Variants in ASB8 observed in about 807,000 individuals in gnomAD.
The protein encoded by ASB8 is ankyrin repeat and SOCS box containing 8, also known as ankyrin repeat and SOCS box protein 8.
ASB8 carries 15 observed loss-of-function variants against 22.9 expected under a neutral mutation model. The ratio of observed to expected loss-of-function variants is 0.66; its 90% CI spans 0.44 to 1.01. ASB8 has a LOEUF of 1.01. Among genes scored for constraint, ASB8 ranks in the 50% least tolerant of loss-of-function variants. The probability of loss-of-function intolerance (pLI) is 0.00; values close to 1 mark genes in which losing one functional copy is unlikely to be tolerated. For missense variants in ASB8, 294 were observed against 356.9 expected (o/e 0.82, Z 1.42); for synonymous variants, 124 against 140.8 (o/e 0.88, Z 0.84).
At chr12:48,151,688 C>A in intron 2 of ASB8, 1 of 1,261,660 alleles carries the variant, frequency 7.9e-7, no homozygotes. Context: ...GAAAGTGAGT[C>A]TGTCAGACTG....
Position 48,149,437 on chromosome 12 carries a change from A to G in ASB8, c.796T>C (p.Tyr266His). The change falls in exon 4 of 4, where the codon TAT (tyrosine) becomes CAT (histidine). Residue 266 changes from tyrosine (Y) to histidine (H), a missense_variant. Tyr to His is a moderately conservative substitution (Grantham distance 83). Transcript: ENST00000317697. ...YAVRRSLGLQ[Y>H]LPDAVKGLPL... Reference sequence around the variant, plus strand: ...AGGCCCTTCACTGCATCGGGGAGATACTGGAGTCCCAGGCTACGGCGCACG... The same window carrying G: ...AGGCCCTTCACTGCATCGGGGAGATGCTGGAGTCCCAGGCTACGGCGCACG... 1 of 1,614,044 alleles carries G rather than the reference A, an allele frequency of 6.2e-7. No individual in the cohort carries two copies. The highest frequency in any genetic ancestry group is 8.5e-7 in the Non-Finnish European group (1 of 1,179,876).
At chr12:48,152,307 T>C (rs1032220442) in intron 2 of ASB8, among the ~76,000 whole-genome samples, 2 of 152,210 alleles carry the variant, frequency 1.3e-5, no homozygotes, top group Non-Finnish European at 2.9e-5. Context: ...TGCATGACTT[T>C]TCCTTCTTCA....
intron 1 of ASB8, among the ~76,000 whole-genome samples, chr12:48,156,726 G>T (rs549843352): frequency 6.6e-6 from 1 of 152,328 alleles, no homozygotes; most frequent in South Asian, 2.1e-4. Context: ...TGGGCTCTGG[G>T]CTAAGAACTC....
At chr12:48,152,133 C>T (rs1041179123) in intron 2 of ASB8, among the ~76,000 whole-genome samples, 4 of 142,386 alleles carry the variant, frequency 2.8e-5, no homozygotes, top group South Asian at 2.2e-4. Context: ...GCCTGGGCGA[C>T]GAGCGAAACT....
chr12:48,149,355 A>C lies in ASB8; in HGVS notation c.*11T>G. The C allele has an allele frequency of 4.3e-6, 7 of 1,610,358 alleles. No homozygotes were observed. Among genetic ancestry groups the C allele is most frequent in the Non-Finnish European group, 5.9e-6 (7 of 1,177,416 alleles). On this transcript the variant is annotated 3_prime_UTR_variant, in exon 4 of 4. Coordinates refer to ENST00000317697, the MANE Select transcript of ASB8 (RefSeq NM_024095.5). Reference sequence around the variant, plus strand: ...GAGCTGCCTGCACGATGGTGCAAACATCTTCTCCGGCTATTCTAAAAGTAA... The same window carrying C: ...GAGCTGCCTGCACGATGGTGCAAACCTCTTCTCCGGCTATTCTAAAAGTAA...
intron 1 of ASB8, among the ~76,000 whole-genome samples, chr12:48,154,346 T>C (rs941896088): frequency 6.6e-6 from 1 of 150,974 alleles, no homozygotes; most frequent in Non-Finnish European, 1.5e-5. Context: ...CTGGACGTGG[T>C]GGTGGGCGCC....
chr12:48,151,591 G>A (rs1195316378), intron 2 of ASB8: 3 of 1,454,272 alleles, frequency 2.1e-6, no homozygotes, highest in East Asian at 3.0e-5. Flanking sequence ...ACAATCTTAT[G>A]TATCAAAGCA....
chr12:48,154,912 A>G (rs1281096191), intron 1 of ASB8, among the ~76,000 whole-genome samples: 1 of 152,046 alleles, frequency 6.6e-6, no homozygotes, highest in African/African-American at 2.4e-5. Flanking sequence ...CTGTACTCCA[A>G]TCTTGGCAAC....
Position 48,149,196 on chromosome 12 carries a change from T to G in ASB8, c.*170A>C. 1.5e-6 allele frequency: 1 copy of G among 682,464 alleles called. No individual in the cohort carries two copies. Among genetic ancestry groups the G allele is most frequent in the Non-Finnish European group, 2.3e-6 (1 of 425,838 alleles). The allele number at this position is 682,464 out of a possible 1,614,324, so 42.3% of individuals were successfully genotyped here. A position where few individuals can be genotyped will look rare whatever the true frequency, so the allele number is the denominator to read the frequency against. Reference sequence around the variant, plus strand: ...GTGAGGGATTTTTTTTGTTGGGTTGTTTGGTTTGGGAAGGGGAGGTGCTAT... The same window carrying G: ...GTGAGGGATTTTTTTTGTTGGGTTGGTTGGTTTGGGAAGGGGAGGTGCTAT... On this transcript the variant is annotated 3_prime_UTR_variant, in exon 4 of 4. Coordinates refer to ENST00000317697, the MANE Select transcript of ASB8 (RefSeq NM_024095.5).
intron 1 of ASB8, among the ~76,000 whole-genome samples, chr12:48,156,626 AAAAT>A (rs1311895286): frequency 1.3e-5 from 2 of 152,114 alleles, no homozygotes; most frequent in East Asian, 1.9e-4. Context: ...TTCAAAAATT[AAAAT>A]AAATAAATAA....
Position 48,149,482 on chromosome 12 carries a change from TTA to T in ASB8, c.749_750del (p.Leu250GlnfsTer11). On this transcript the variant is annotated frameshift_variant, in exon 4 of 4. Transcript: ENST00000317697. LOFTEE classifies it high-confidence loss of function. ...LTVLCSAPGT[L>X]KTLARYAVRR... The stretch of plus-strand genomic sequence containing the variant: ...CGCACGGCATAGCGAGCGAGTGTTT[TTA>T]GAGTTCCTGGAGCTGAGCACAGAAC... 1 of 1,614,194 alleles carries T rather than the reference TTA, an allele frequency of 6.2e-7. No individual in the cohort carries two copies. The highest frequency in any genetic ancestry group is 8.5e-7 in the Non-Finnish European group (1 of 1,180,030).
intron 1 of ASB8, 26 bp from the exon 2 acceptor site, chr12:48,153,555 T>C (rs1951238714): frequency 1.9e-6 from 3 of 1,583,406 alleles, no homozygotes; most frequent in East Asian, 2.2e-5. Flanking sequence ...TTTCGGCATA[T>C]ACAATATCAC....
chr12:48,149,812 C>A lies in ASB8; in HGVS notation c.421G>T (p.Gly141Trp). Residue 141 changes from glycine to tryptophan, a missense_variant, in exon 4 of 4, where the codon GGG becomes TGG. Coordinates refer to ENST00000317697, the MANE Select transcript of ASB8 (RefSeq NM_024095.5). The part of the protein sequence containing the change: ...AECVRALLES[G>W]ASVNALDYNN... ...TAATCCAGGGCATTGACAGAGGCCC[C>A]GCTCTCTAGGAGAGCCCGCACACAC... 6.2e-7 allele frequency: 1 copy of A among 1,614,008 alleles called. No individual in the cohort carries two copies.
rs371161682 is a variant in ASB8 at position 48,155,742 on chromosome 12, A to AAAT, written c.-34+1716_-34+1717insATT. On this transcript the variant is annotated intron_variant, in intron 1 of 3. Coordinates refer to ENST00000317697, the MANE Select transcript of ASB8 (RefSeq NM_024095.5). ...GAGACTCCATCTCAAAAAAAAAAAAAATATATATATATATATGTATATATA... is the reference window on the plus strand; with the variant it reads ...GAGACTCCATCTCAAAAAAAAAAAAAAATATATATATATATATATGTATATATA... Among the ~76,000 whole-genome samples, 312 of 114,924 alleles carry AAAT rather than the reference A, an allele frequency of 2.7e-3. 1 individual carries two copies. Among genetic ancestry groups the AAAT allele is most frequent in the African/African-American group, 8.1e-3 (240 of 29,534 alleles). 75.4% of individuals were successfully genotyped at this position (114,924 alleles called of 152,430 possible).
At chr12:48,154,461 ACAGAGTGAGACTCTATCT>A (rs1951260599) in intron 1 of ASB8, among the ~76,000 whole-genome samples, 2 of 144,692 alleles carry the variant, frequency 1.4e-5, no homozygotes, top group Non-Finnish European at 3.0e-5. Context: ...AGCCTGGGCA[ACAGAGTGAGACTCTATCT>A]CAAAAAAAAA....
chr12:48,148,224 G>A lies in ASB8; in HGVS notation c.*1142C>T, dbSNP rs1951131824. On this transcript the variant is annotated 3_prime_UTR_variant, in exon 4 of 4. Transcript: ENST00000317697. ...GAATGAAGACCCATGGGAAAAGGCA[G>A]CCCAGCCCATAACTCCTCCCTGCTG... 1 of 152,220 alleles carries A rather than the reference G, an allele frequency of 6.6e-6. No homozygotes were observed. The highest frequency in any genetic ancestry group is 1.5e-5 in the Non-Finnish European group (1 of 68,038). The allele number at this position is 152,220 out of a possible 1,614,324, so 9.4% of individuals were successfully genotyped here.
chr12:48,153,466 T>G lies in ASB8; in HGVS notation c.31A>C (p.Ser11Arg). The G allele has an allele frequency of 6.2e-7, 1 of 1,613,880 alleles. No homozygotes were observed. Among genetic ancestry groups the G allele is most frequent in the Non-Finnish European group, 8.5e-7 (1 of 1,179,770 alleles). Reference protein sequence around the residue: MSSSMWYIMQSIQSKYSLSER... With the variant: MSSSMWYIMQRIQSKYSLSER... ...GAGAGAGAGTATTTGCTCTGAATGC[T>G]CTGCATAATATACCACATACTGGAA... The change falls in exon 2 of 4, where the codon AGC becomes CGC. Residue 11 changes from serine to arginine, a missense_variant. Transcript: ENST00000317697.
chr12:48,152,195 C>G (rs1951214559), intron 2 of ASB8, among the ~76,000 whole-genome samples: 1 of 151,768 alleles, frequency 6.6e-6, no homozygotes, highest in Non-Finnish European at 1.5e-5. Context: ...CCAGTCAGAC[C>G]AAAGTCACTG....
In ASB8 at chr12:48,153,525, AC is replaced by A; in HGVS notation, c.-30del. The A allele has an allele frequency of 6.2e-7, 1 of 1,611,060 alleles. No homozygotes were observed. Among genetic ancestry groups the A allele is most frequent in the African/African-American group, 1.3e-5 (1 of 74,970 alleles). The stretch of plus-strand genomic sequence containing the variant: ...GGCTCAAGGTGTTCACATGCTCCAA[AC>A]TGCCTGAAACAAAGAAGTTTTCGGC... On this transcript the variant is annotated 5_prime_UTR_variant, in exon 2 of 4. Coordinates refer to ENST00000317697, the MANE Select transcript of ASB8 (RefSeq NM_024095.5).
Sources: gnomAD v4.1 joint callset for allele counts (sites outside exome capture counted in the v4.1 genomes callset) on GRCh38, gnomAD v4.1.1 for gene constraint, MANE v1.5 for transcripts, NCBI Gene and HGNC (gene_info 2026-07-23, HGNC 2026-07-21) for gene names.